Variants in MMP16 observed in about 807,000 individuals in gnomAD.
MMP16 encodes matrix metalloproteinase-16.
In MMP16, 12 loss-of-function variants were observed where a neutral mutation model predicts 67.8. That is an observed-to-expected ratio of 0.18 (90% confidence interval 0.11 to 0.29). MMP16 has a LOEUF of 0.29. Among genes scored for constraint, MMP16 ranks in the 10% least tolerant of loss-of-function variants. MMP16 has a pLI of 1.00. For missense variants in MMP16, 475 were observed against 765.7 expected (o/e 0.62, Z 4.48); for synonymous variants, 249 against 255.9 (o/e 0.97, Z 0.26).
At chr8:88,086,775 A>G (rs1043878842) in intron 6 of MMP16, among the ~76,000 whole-genome samples, 3 of 151,876 alleles carry the variant, frequency 2.0e-5, no homozygotes, top group African/African-American at 7.3e-5. Flanking sequence ...TGTCTCTTCA[A>G]TCTCTTTCTA....
At chr8:88,134,938 A>T (rs1305711871) in intron 4 of MMP16, among the ~76,000 whole-genome samples, 1 of 151,712 alleles carries the variant, frequency 6.6e-6, no homozygotes, top group Non-Finnish European at 1.5e-5. Flanking sequence ...TTGGAAAAGA[A>T]TATTAACAGA....
At chr8:88,188,147 T>A (rs1809103036) in intron 2 of MMP16, among the ~76,000 whole-genome samples, 1 of 152,178 alleles carries the variant, frequency 6.6e-6, no homozygotes, top group Non-Finnish European at 1.5e-5. Context: ...AACAAATAAA[T>A]ATTACTGGAC....
chr8:88,289,258 T>C (rs954691228), intron 1 of MMP16, among the ~76,000 whole-genome samples: 8 of 152,086 alleles, frequency 5.3e-5, no homozygotes, highest in Non-Finnish European at 8.8e-5. Flanking sequence ...AAGGAAAATA[T>C]CATAGGTTGC....
At chr8:88,100,684 T>C (rs1363713613) in intron 6 of MMP16, among the ~76,000 whole-genome samples, 1 of 152,004 alleles carries the variant, frequency 6.6e-6, no homozygotes, top group African/African-American at 2.4e-5. Context: ...ACATGTATGT[T>C]TATTGTGGCA....
chr8:88,194,035 T>A (rs1393643074), intron 2 of MMP16, among the ~76,000 whole-genome samples: 1 of 151,966 alleles, frequency 6.6e-6, no homozygotes, highest in Non-Finnish European at 1.5e-5. Flanking sequence ...GAATAAGTAT[T>A]TATTATGATC....
chr8:88,248,154 A>G (rs954529421), intron 1 of MMP16, among the ~76,000 whole-genome samples: 5 of 152,058 alleles, frequency 3.3e-5, no homozygotes, highest in African/African-American at 1.2e-4. Flanking sequence ...CTTATGCACA[A>G]TCTCTATAAA....
chr8:88,214,310 A>T (rs1809555219), intron 1 of MMP16, among the ~76,000 whole-genome samples: 1 of 152,154 alleles, frequency 6.6e-6, no homozygotes, highest in Admixed American at 6.6e-5. Context: ...TATATAGGTA[A>T]ATGAAACCAT....
chr8:88,113,940 T>C (rs186907556), intron 6 of MMP16, among the ~76,000 whole-genome samples: 2 of 152,126 alleles, frequency 1.3e-5, no homozygotes, highest in East Asian at 3.9e-4. Context: ...TACTTTTCTT[T>C]TGAAACTTTT....
At chr8:88,144,946 C>A (rs1808267192) in intron 4 of MMP16, among the ~76,000 whole-genome samples, 1 of 151,960 alleles carries the variant, frequency 6.6e-6, no homozygotes, top group South Asian at 2.1e-4. Flanking sequence ...CTGAATAAGT[C>A]AATTCCTGCA....
chr8:88,275,846 A>G (rs932002879), intron 1 of MMP16, among the ~76,000 whole-genome samples: 2 of 152,000 alleles, frequency 1.3e-5, no homozygotes, highest in Non-Finnish European at 1.5e-5. Context: ...AACACATAGC[A>G]GTGTTTAGCT....
In MMP16 at chr8:88,035,774, T is replaced by C. The variant is rs1456587183; in HGVS notation, c.*5687A>G. ...GACAGGAATTTTACAATATGTGTTT[T>C]TCCCTTAATTTCTGTGAGTATGTCC... On this transcript the variant is annotated 3_prime_UTR_variant, in exon 10 of 10. Transcript: ENST00000286614. This position sits in a 1 kb window ranked among gnomAD's most constrained non-coding sequence, Gnocchi z 4.7. 4 of 152,010 alleles carry C rather than the reference T, an allele frequency of 2.6e-5. No individual in the cohort carries two copies. Among genetic ancestry groups the C allele is most frequent in the African/African-American group, 7.2e-5 (3 of 41,434 alleles). 9.4% of individuals were successfully genotyped at this position (152,010 alleles called of 1,614,324 possible). A position where few individuals can be genotyped will look rare whatever the true frequency, so the allele number is the denominator to read the frequency against.
intron 7 of MMP16, among the ~76,000 whole-genome samples, chr8:88,061,011 GCCT>G (rs66541917): frequency 0.31 from 46,368 of 151,512 alleles, 8,041 homozygotes; most frequent in East Asian, 0.69. Context: ...TATAAGGCAT[GCCT>G]TGGTATTGTG....
chr8:88,157,929 T>A (rs1808541850), intron 4 of MMP16, among the ~76,000 whole-genome samples: 1 of 151,984 alleles, frequency 6.6e-6, no homozygotes, highest in East Asian at 1.9e-4. Flanking sequence ...GTGTTTGGTT[T>A]TTTGTCCTTG....
intron 6 of MMP16, among the ~76,000 whole-genome samples, chr8:88,108,219 C>T (rs1400593159): frequency 6.6e-6 from 1 of 151,204 alleles, no homozygotes; most frequent in Non-Finnish European, 1.5e-5. Context: ...TTCTATAGTT[C>T]ACTGGTCACA....
intron 9 of MMP16, among the ~76,000 whole-genome samples, chr8:88,045,411 C>T (rs1249635561): frequency 1.3e-5 from 2 of 152,146 alleles, no homozygotes; most frequent in East Asian, 1.9e-4. Context: ...GGCTCTGTCA[C>T]CCAGCCTGGA....
chr8:88,225,882 T>A (rs1486169471), intron 1 of MMP16, among the ~76,000 whole-genome samples: 2 of 151,984 alleles, frequency 1.3e-5, no homozygotes, highest in Admixed American at 6.6e-5. Context: ...CATTTCTATT[T>A]CTTAGATTAT....
At chr8:88,241,795 G>A (rs1277381287) in intron 1 of MMP16, among the ~76,000 whole-genome samples, 1 of 152,012 alleles carries the variant, frequency 6.6e-6, no homozygotes, top group African/African-American at 2.4e-5. Context: ...TCAAATCAGA[G>A]TAATTAGTGT....
chr8:88,170,457 T>C (rs1237248619), intron 3 of MMP16, among the ~76,000 whole-genome samples: 1 of 152,154 alleles, frequency 6.6e-6, no homozygotes, highest in Non-Finnish European at 1.5e-5. Flanking sequence ...TTAATTTTCC[T>C]AATAGTCTTT....
At chr8:88,063,471 T>G (rs1438972575) in intron 7 of MMP16, among the ~76,000 whole-genome samples, 3 of 148,204 alleles carry the variant, frequency 2.0e-5, no homozygotes, top group Non-Finnish European at 4.4e-5. Context: ...AAACATGCAG[T>G]ACCTAATAAC....
Sources: gnomAD v4.1 joint callset for allele counts (sites outside exome capture counted in the v4.1 genomes callset) on GRCh38, gnomAD v4.1.1 for gene constraint, Gnocchi (gnomAD v3.1) non-coding constraint, MANE v1.5 for transcripts, NCBI Gene and HGNC (gene_info 2026-07-23, HGNC 2026-07-21) for gene names.